The following ZNF654 variants were observed in gnomAD, a reference collection of about 807,000 sequenced individuals.
The protein encoded by ZNF654 is zinc finger protein 654.
In ZNF654, 19 loss-of-function variants were observed where a neutral mutation model predicts 95.3. The observed-to-expected ratio is 0.20, with a 90% CI of 0.14 to 0.29. ZNF654 has a LOEUF of 0.29. Ranked by LOEUF, ZNF654 falls within the 10% of genes least tolerant of loss-of-function variation. The pLI is 1.00. For missense variants in ZNF654, 1,046 were observed against 1,341.0 expected, an observed-to-expected ratio of 0.78 and a Z score of 3.44; for synonymous variants, 413 against 457.9, an observed-to-expected ratio of 0.90 and a Z score of 1.25.
At chr3:88,121,283 C>G (rs1705753842) in intron 3 of ZNF654, among the ~76,000 whole-genome samples, 1 of 152,064 alleles carries the variant, frequency 6.6e-6, no homozygotes, top group East Asian at 1.9e-4. Flanking sequence ...GAATTAAAAA[C>G]TCATTAAAAT....
intron 3 of ZNF654, among the ~76,000 whole-genome samples, chr3:88,121,423 A>G (rs1705762349): frequency 6.6e-6 from 1 of 152,128 alleles, no homozygotes. Flanking sequence ...CCAAATGTTC[A>G]TTTTAAATCA....
At chr3:88,129,345 A>AT (rs397990478) in intron 5 of ZNF654, among the ~76,000 whole-genome samples, 11 of 149,902 alleles carry the variant, frequency 7.3e-5, no homozygotes, top group African/African-American at 2.7e-4. Context: ...AAAAAAAAAA[A>AT]CCCAAGAAGC....
At chr3:88,101,060 C>G (rs1704392655) in intron 2 of ZNF654, among the ~76,000 whole-genome samples, 2 of 152,156 alleles carry the variant, frequency 1.3e-5, no homozygotes, top group Admixed American at 6.6e-5. Context: ...TATTGTCAAT[C>G]TTGTTTCAGC....
chr3:88,118,331 G>A (rs746446354), intron 3 of ZNF654, among the ~76,000 whole-genome samples: 62 of 152,184 alleles, frequency 4.1e-4, no homozygotes, highest in Non-Finnish European at 7.9e-4. Context: ...TCCCAAGCAG[G>A]AGGCTCAACG....
At chr3:88,091,568 G>A (rs1708631547) in intron 2 of ZNF654, among the ~76,000 whole-genome samples, 1 of 151,986 alleles carries the variant, frequency 6.6e-6, no homozygotes, top group Non-Finnish European at 1.5e-5. Context: ...GACTTCTCTT[G>A]CATTGCCTGC....
At chr3:88,111,995 A>G (rs1275476147) in intron 2 of ZNF654, among the ~76,000 whole-genome samples, 1 of 151,894 alleles carries the variant, frequency 6.6e-6, no homozygotes, top group African/African-American at 2.4e-5. Context: ...TAGGTTATTG[A>G]CTTTTTTAAC....
intron 3 of ZNF654, among the ~76,000 whole-genome samples, chr3:88,119,813 C>T (rs775289690): frequency 1.6e-4 from 25 of 152,050 alleles, no homozygotes; most frequent in Non-Finnish European, 3.1e-4. Flanking sequence ...TTTTAAAATG[C>T]TAATGATAGG....
intron 2 of ZNF654, 91 bp downstream of exon 2, chr3:88,086,493 T>C: frequency 1.8e-6 from 2 of 1,097,358 alleles, no homozygotes; most frequent in Non-Finnish European, 2.4e-6. Flanking sequence ...AAGAAACCTT[T>C]CCTAAAGTAT....
chr3:88,122,236 A>T (rs1705812979), intron 3 of ZNF654, among the ~76,000 whole-genome samples: 1 of 152,214 alleles, frequency 6.6e-6, no homozygotes, highest in African/African-American at 2.4e-5. Flanking sequence ...GTAAGAAAAG[A>T]CAAGGTGAAT....
chr3:88,097,346 C>T (rs1704123539), intron 2 of ZNF654, among the ~76,000 whole-genome samples: 3 of 151,788 alleles, frequency 2.0e-5, no homozygotes, highest in African/African-American at 7.3e-5. Context: ...CCAGTTTTCT[C>T]ACACCTTTGT....
Position 88,144,503 on chromosome 3 carries a change from GCTTC to G in ZNF654, c.*2855_*2858del, listed in dbSNP as rs1032150934. 6.6e-6 allele frequency: 1 copy of G among 152,314 alleles called. No homozygotes were observed. The highest frequency in any genetic ancestry group is 2.4e-5 in the African/African-American group (1 of 41,416). The allele number at this position is 152,314 out of a possible 1,614,324, so 9.4% of individuals were successfully genotyped here. A position where few individuals can be genotyped will look rare whatever the true frequency, so the allele number is the denominator to read the frequency against. ...AGATTCAGCAAGAAAGGAAATTTGT[GCTTC>G]CTTGTTGAATGTTAAATTATTTTAC... On this transcript the variant is annotated 3_prime_UTR_variant, in exon 9 of 9. Coordinates refer to ENST00000636215, the MANE Select transcript of ZNF654 (RefSeq NM_001350134.2).
At chr3:88,088,922 G>A (rs1434447247) in intron 2 of ZNF654, among the ~76,000 whole-genome samples, 3 of 151,428 alleles carry the variant, frequency 2.0e-5, no homozygotes, top group Admixed American at 6.6e-5. Flanking sequence ...ACAGGCACCC[G>A]CCACCATGCC....
At chr3:88,091,190 C>T (rs533569257) in intron 2 of ZNF654, among the ~76,000 whole-genome samples, 240 of 152,238 alleles carry the variant, frequency 1.6e-3, no homozygotes, top group Non-Finnish European at 2.5e-3. Flanking sequence ...ATATCCCTGT[C>T]GTTAAGCAAC....
chr3:88,131,341 C>T (rs1284350545), intron 6 of ZNF654, among the ~76,000 whole-genome samples: 1 of 152,128 alleles, frequency 6.6e-6, no homozygotes, highest in Non-Finnish European at 1.5e-5. Flanking sequence ...GAAGTATTAT[C>T]ATTTTTTGAC....
At chr3:88,094,852 A>T (rs1233354568) in intron 2 of ZNF654, among the ~76,000 whole-genome samples, 1 of 152,012 alleles carries the variant, frequency 6.6e-6, no homozygotes, top group Non-Finnish European at 1.5e-5. Flanking sequence ...ACAATATTAT[A>T]CTGGCAGCTT....
In ZNF654 at chr3:88,141,665, A is replaced by T. The variant is rs1384017721; in HGVS notation, c.*13A>T. Reference sequence around the variant, plus strand: ...TACAGGTGCCTGATGAAAACGGTTCAGAAAGATCTGTCAATCAAGCAGTAG... The same window carrying T: ...TACAGGTGCCTGATGAAAACGGTTCTGAAAGATCTGTCAATCAAGCAGTAG... On this transcript the variant is annotated 3_prime_UTR_variant, in exon 9 of 9. Coordinates refer to ENST00000636215, the MANE Select transcript of ZNF654 (RefSeq NM_001350134.2). The T allele has an allele frequency of 2.7e-6, 4 of 1,505,174 alleles. No individual in the cohort carries two copies. Among genetic ancestry groups the T allele is most frequent in the Non-Finnish European group, 2.7e-6 (3 of 1,112,218 alleles). 93.2% of individuals were successfully genotyped at this position (1,505,174 alleles called of 1,614,324 possible).
Position 88,140,749 on chromosome 3 carries a change from C to T in ZNF654, c.3080C>T (p.Pro1027Leu). The T allele has an allele frequency of 1.2e-6, 2 of 1,613,714 alleles. No individual in the cohort carries two copies. Among genetic ancestry groups the T allele is most frequent in the South Asian group, 1.1e-5 (1 of 91,068 alleles). Residue 1027 changes from proline to leucine, a missense_variant, in exon 8 of 9, where the codon CCT becomes CTT. Pro to Leu is a moderately conservative substitution (Grantham distance 98). Around this residue, in one of 9 missense-constraint regions of ZNF654, gnomAD observed 495 missense variants for 537.0 expected, o/e 0.92. Transcript: ENST00000636215. ...EHNTLPVSQAPSKPNLTSEHT... is the reference protein window; with the variant it reads ...EHNTLPVSQALSKPNLTSEHT... ...AACACCTTGCCAGTATCTCAGGCAC[C>T]TTCCAAACCAAATCTGACAAGTGAA...
intron 1 of ZNF654, among the ~76,000 whole-genome samples, chr3:88,069,377 G>A (rs1048704060): frequency 3.9e-5 from 6 of 152,068 alleles, no homozygotes; most frequent in African/African-American, 1.4e-4. Context: ...AGTCTAGATG[G>A]CGCCGCTGCA....
intron 2 of ZNF654, among the ~76,000 whole-genome samples, chr3:88,112,445 CCTTT>C (rs913813698): frequency 1.3e-5 from 2 of 151,644 alleles, no homozygotes; most frequent in Non-Finnish European, 3.0e-5. Flanking sequence ...CATTCATGTT[CCTTT>C]CTTTATGAAT....
Sources: gnomAD v4.1 joint callset for allele counts (sites outside exome capture counted in the v4.1 genomes callset) on GRCh38, gnomAD v4.1.1 for gene constraint, gnomAD v4.1.1 regional missense constraint, MANE v1.5 for transcripts, NCBI Gene and HGNC (gene_info 2026-07-23, HGNC 2026-07-21) for gene names.